The following SYT1 variants were observed in gnomAD, a reference collection of about 807,000 sequenced individuals.
SYT1 encodes the protein synaptotagmin 1, also known as synaptotagmin-1.
A neutral mutation model predicts 44.8 loss-of-function variants in SYT1; 8 were observed. That is an observed-to-expected ratio of 0.18 (90% CI 0.10 to 0.32). The LOEUF is 0.32. Ranked by LOEUF, SYT1 falls within the 10% of genes least tolerant of loss-of-function variation. The pLI is 1.00. For synonymous variants in SYT1, 154 were observed against 188.8 expected, an observed-to-expected ratio of 0.82 and a Z score of 1.51; for missense variants, 286 against 509.3, an observed-to-expected ratio of 0.56 and a Z score of 4.22.
intron 1 of SYT1, among the ~76,000 whole-genome samples, chr12:78,890,540 A>AAAT (rs915029051): frequency 6.5e-4 from 99 of 151,692 alleles, no homozygotes; most frequent in African/African-American, 1.1e-3. Flanking sequence ...AAGTATAATA[A>AAAT]AATAATAATA....
At chr12:79,391,444 G>C (rs577093011) in intron 9 of SYT1, among the ~76,000 whole-genome samples, 1 of 152,194 alleles carries the variant, frequency 6.6e-6, no homozygotes, top group South Asian at 2.1e-4. Flanking sequence ...ATACATTGGG[G>C]GATGCCAGAA....
chr12:79,278,065 G>A (rs1878834323), intron 4 of SYT1, among the ~76,000 whole-genome samples: 1 of 151,986 alleles, frequency 6.6e-6, no homozygotes, highest in African/African-American at 2.4e-5. Context: ...CAGTAATAAG[G>A]GAGAATTCAA....
intron 9 of SYT1, among the ~76,000 whole-genome samples, chr12:79,421,745 TTTTG>T (rs1029304860): frequency 4.6e-5 from 7 of 151,940 alleles, no homozygotes; most frequent in East Asian, 3.9e-4. Context: ...TGGTGGGTGT[TTTTG>T]TTTGTTTGTT....
At chr12:78,901,944 C>T (rs1403218785) in intron 1 of SYT1, among the ~76,000 whole-genome samples, 2 of 151,984 alleles carry the variant, frequency 1.3e-5, no homozygotes, top group African/African-American at 4.8e-5. Flanking sequence ...GAATAGAAAA[C>T]CAAACACTGC....
chr12:79,324,664 C>A (rs370792361), intron 8 of SYT1, among the ~76,000 whole-genome samples: 4 of 152,182 alleles, frequency 2.6e-5, no homozygotes, highest in South Asian at 4.2e-4. Context: ...AGCACCCCTG[C>A]GGTGCATCTG....
intron 3 of SYT1, among the ~76,000 whole-genome samples, chr12:79,054,576 TA>T (rs1874789369): frequency 6.6e-6 from 1 of 152,002 alleles, no homozygotes; most frequent in Non-Finnish European, 1.5e-5. Flanking sequence ...TTATTTTCTT[TA>T]AAAACTTTGG....
intron 4 of SYT1, among the ~76,000 whole-genome samples, chr12:79,223,496 C>G (rs1373350250): frequency 6.6e-6 from 1 of 152,142 alleles, no homozygotes; most frequent in African/African-American, 2.4e-5. Context: ...AGGTATGGCA[C>G]TGGGGCAGAC....
intron 1 of SYT1, among the ~76,000 whole-genome samples, chr12:78,935,700 T>C (rs561392031): frequency 3.3e-5 from 5 of 152,168 alleles, no homozygotes; most frequent in Non-Finnish European, 7.3e-5. Context: ...ATTCTGATTT[T>C]AATTTTCCAT....
chr12:79,443,101 C>CT (rs1379864494), intron 9 of SYT1, among the ~76,000 whole-genome samples: 10 of 152,268 alleles, frequency 6.6e-5, no homozygotes, highest in South Asian at 2.1e-4. Flanking sequence ...TCTCCAGTGA[C>CT]TTATTAATCT....
At chr12:78,871,245 C>T (rs527247278) in intron 1 of SYT1, among the ~76,000 whole-genome samples, 18 of 152,056 alleles carry the variant, frequency 1.2e-4, no homozygotes, top group South Asian at 2.1e-4. Context: ...ACATCACACA[C>T]GAGCTTGCTT....
At chr12:79,204,602 A>C (rs1003343006) in intron 3 of SYT1, among the ~76,000 whole-genome samples, 3 of 152,218 alleles carry the variant, frequency 2.0e-5, no homozygotes, top group African/African-American at 7.2e-5. Flanking sequence ...CCATCTTACT[A>C]TACAAAAGTT....
chr12:79,386,359 C>CT lies in SYT1; in HGVS notation c.928+32748dup, dbSNP rs1462057556. Among the ~76,000 whole-genome samples, 11 of 136,496 alleles carry CT rather than the reference C, an allele frequency of 8.1e-5. No individual in the cohort carries two copies. The East Asian group carries it at 2.1e-3, about 26-fold the overall frequency. 89.5% of individuals were successfully genotyped at this position (136,496 alleles called of 152,430 possible). A position where few individuals can be genotyped will look rare whatever the true frequency, so the allele number is the denominator to read the frequency against. On this transcript the variant is annotated intron_variant, in intron 9 of 10. Coordinates refer to ENST00000261205, the MANE Select transcript of SYT1 (RefSeq NM_005639.3). ...TTCATTAGTTTTCTTTTTTCTTTTT[C>CT]TTTTTTTTATACTTTAAGTTCTGGG...
chr12:79,304,422 T>G (rs894649924), intron 8 of SYT1, among the ~76,000 whole-genome samples: 1 of 152,222 alleles, frequency 6.6e-6, no homozygotes, highest in African/African-American at 2.4e-5. Flanking sequence ...TTTTGGTATG[T>G]TTCTTTAAAG....
chr12:79,397,636 C>A (rs1168666751), intron 9 of SYT1, among the ~76,000 whole-genome samples: 8 of 152,112 alleles, frequency 5.3e-5, no homozygotes, highest in African/African-American at 1.9e-4. Context: ...AGGCAGGATC[C>A]CTGATGCTGC....
At chr12:78,991,862 G>T (rs1175025701) in intron 2 of SYT1, among the ~76,000 whole-genome samples, 1 of 152,014 alleles carries the variant, frequency 6.6e-6, no homozygotes, top group Non-Finnish European at 1.5e-5. Context: ...AAGTTTATTT[G>T]GCTTTGTGTG....
At chr12:78,875,778 T>C (rs930903057) in intron 1 of SYT1, among the ~76,000 whole-genome samples, 23 of 151,672 alleles carry the variant, frequency 1.5e-4, no homozygotes, top group African/African-American at 4.4e-4. Flanking sequence ...ATATACACTG[T>C]TTTTACTTTG....
chr12:79,415,386 A>G (rs1164527080), intron 9 of SYT1, among the ~76,000 whole-genome samples: 6 of 152,194 alleles, frequency 3.9e-5, no homozygotes, highest in Admixed American at 1.3e-4. Flanking sequence ...CCACCAGGGC[A>G]ATCTGGTTGG....
Position 79,449,118 on chromosome 12 carries a change from G to A in SYT1, c.1263G>A (p.Lys421=). 6.2e-7 allele frequency: 1 copy of A among 1,606,816 alleles called. No homozygotes were observed. The highest frequency in any genetic ancestry group is 1.1e-5 in the South Asian group (1 of 90,190). ...AAGTTGATGCCATGCTGGCCGTCAA[G>A]AAGTAAAGGAAAGAAGAAGCCTTTC... The part of the protein sequence containing the change: ...EEEVDAMLAV[K]K The change falls in exon 11 of 11, where the codon AAG becomes AAA. Residue 421 remains lysine, a synonymous_variant. Coordinates refer to ENST00000261205, the MANE Select transcript of SYT1 (RefSeq NM_005639.3).
chr12:79,075,685 T>C (rs1876593255), intron 3 of SYT1, among the ~76,000 whole-genome samples: 1 of 152,148 alleles, frequency 6.6e-6, no homozygotes, highest in Non-Finnish European at 1.5e-5. Context: ...CTGCAGTTTG[T>C]GATACAACTA....
Sources: allele counts gnomAD v4.1 joint callset (sites outside exome capture counted in the v4.1 genomes callset), GRCh38; gene constraint gnomAD v4.1.1; transcripts MANE v1.5; gene names NCBI Gene and HGNC (gene_info 2026-07-23, HGNC 2026-07-21).